GNA14: variants seen among roughly 807,000 people sequenced by gnomAD.
GNA14 encodes the protein guanine nucleotide-binding protein subunit alpha-14.
In GNA14, 50 loss-of-function variants were observed where a neutral mutation model predicts 42.0. That is an observed-to-expected ratio of 1.19 (90% CI 0.95 to 1.51). The LOEUF (loss-of-function observed/expected upper bound fraction) is 1.51, where lower values mean the gene tolerates loss of function less well. GNA14 is among the 40% of genes most tolerant of loss of function. GNA14 has a pLI of 0.00. For missense variants in GNA14, 473 were observed against 446.2 expected (o/e 1.06, Z -0.54); for synonymous variants, 173 against 163.1 (o/e 1.06, Z -0.46).
intron 1 of GNA14, among the ~76,000 whole-genome samples, chr9:77,624,721 C>CAT (rs1184505585): frequency 2.6e-5 from 4 of 151,962 alleles, no homozygotes; most frequent in Non-Finnish European, 4.4e-5. Context: ...AAAGGAATAG[C>CAT]ATGTCCACTC....
intron 1 of GNA14, among the ~76,000 whole-genome samples, chr9:77,547,157 T>G (rs1837729908): frequency 6.6e-6 from 1 of 152,246 alleles, no homozygotes; most frequent in South Asian, 2.1e-4. Flanking sequence ...GAGGATGTAC[T>G]TTTTGCCCTT....
intron 1 of GNA14, among the ~76,000 whole-genome samples, chr9:77,610,427 C>A (rs917769931): frequency 4.6e-5 from 7 of 152,256 alleles, no homozygotes; most frequent in African/African-American, 1.4e-4. Context: ...TCTGCCCCTA[C>A]ACCTTAAATG....
At chr9:77,586,982 T>G (rs1218425132) in intron 1 of GNA14, among the ~76,000 whole-genome samples, 1 of 151,428 alleles carries the variant, frequency 6.6e-6, no homozygotes, top group Non-Finnish European at 1.5e-5. Flanking sequence ...GCTGGTTTTT[T>G]TTTTTTTTTT....
chr9:77,620,592 T>TA (rs1301990457), intron 1 of GNA14, among the ~76,000 whole-genome samples: 1 of 152,226 alleles, frequency 6.6e-6, no homozygotes, highest in Non-Finnish European at 1.5e-5. Flanking sequence ...CTCGTGCCTG[T>TA]AATCCCAGCA....
chr9:77,646,682 T>C (rs1184984990), intron 1 of GNA14, among the ~76,000 whole-genome samples: 1 of 152,220 alleles, frequency 6.6e-6, no homozygotes, highest in Non-Finnish European at 1.5e-5. Context: ...GAAAAAAAGT[T>C]GAAATCTTTG....
chr9:77,438,799 A>C (rs921989614), intron 2 of GNA14, among the ~76,000 whole-genome samples: 1 of 152,206 alleles, frequency 6.6e-6, no homozygotes, highest in Non-Finnish European at 1.5e-5. Flanking sequence ...GAAATGTTTG[A>C]GTAAGTTGCA....
intron 2 of GNA14, among the ~76,000 whole-genome samples, chr9:77,475,394 G>A (rs1836400876): frequency 6.6e-6 from 1 of 152,122 alleles, no homozygotes; most frequent in Non-Finnish European, 1.5e-5. Context: ...TGGATGACAG[G>A]GCTTGTGACA....
At chr9:77,645,674 A>C (rs1824340555) in intron 1 of GNA14, among the ~76,000 whole-genome samples, 1 of 152,136 alleles carries the variant, frequency 6.6e-6, no homozygotes, top group Admixed American at 6.5e-5. Context: ...ATTTACCTAC[A>C]AACATTTCTC....
At chr9:77,636,890 A>G (rs1824191802) in intron 1 of GNA14, among the ~76,000 whole-genome samples, 1 of 152,206 alleles carries the variant, frequency 6.6e-6, no homozygotes, top group South Asian at 2.1e-4. Context: ...TGAATTTTCA[A>G]CGAGAAGACT....
intron 1 of GNA14, among the ~76,000 whole-genome samples, chr9:77,558,048 C>T (rs1385512457): frequency 6.6e-6 from 1 of 152,038 alleles, no homozygotes; most frequent in African/African-American, 2.4e-5. Context: ...TCTCAGTCTC[C>T]CAGCTTTCTG....
At chr9:77,547,882 A>G (rs970487400) in intron 1 of GNA14, among the ~76,000 whole-genome samples, 3 of 152,230 alleles carry the variant, frequency 2.0e-5, no homozygotes, top group Admixed American at 6.5e-5. Context: ...TGTAGAAAGC[A>G]GTATTCAAAC....
intron 1 of GNA14, among the ~76,000 whole-genome samples, chr9:77,632,021 C>G (rs1332525930): frequency 6.6e-6 from 1 of 152,158 alleles, no homozygotes; most frequent in Non-Finnish European, 1.5e-5. Flanking sequence ...GGCAGGAGCC[C>G]TACCCTGCTG....
intron 1 of GNA14, among the ~76,000 whole-genome samples, chr9:77,596,473 C>T (rs1823469270): frequency 1.3e-5 from 2 of 151,252 alleles, no homozygotes; most frequent in African/African-American, 4.9e-5. Flanking sequence ...CTTGCTGTAC[C>T]CTACGCCTCC....
At chr9:77,616,066 A>T (rs1014475102) in intron 1 of GNA14, among the ~76,000 whole-genome samples, 1 of 152,194 alleles carries the variant, frequency 6.6e-6, no homozygotes, top group African/African-American at 2.4e-5. Context: ...AGGAATGCCC[A>T]ATCTATCGCA....
chr9:77,607,764 T>C (rs1311761306), intron 1 of GNA14, among the ~76,000 whole-genome samples: 1 of 152,192 alleles, frequency 6.6e-6, no homozygotes, highest in Admixed American at 6.5e-5. Context: ...TAGGGCCTGA[T>C]TCCTGGCTTG....
intron 5 of GNA14, among the ~76,000 whole-genome samples, chr9:77,427,356 G>A (rs546131924): frequency 1.3e-5 from 2 of 151,406 alleles, no homozygotes; most frequent in African/African-American, 4.9e-5. Flanking sequence ...AACTGAGAGG[G>A]CTGGGCGACA....
intron 1 of GNA14, among the ~76,000 whole-genome samples, chr9:77,605,814 TCA>T (rs1334664748): frequency 6.6e-6 from 1 of 152,236 alleles, no homozygotes; most frequent in Non-Finnish European, 1.5e-5. Context: ...CCCCTTAGTC[TCA>T]GTTACCTCAG....
intron 6 of GNA14, among the ~76,000 whole-genome samples, chr9:77,424,973 A>G (rs760778776): frequency 6.6e-6 from 1 of 152,164 alleles, no homozygotes; most frequent in African/African-American, 2.4e-5. Context: ...ACAATTAGCA[A>G]CAGGGCATGA....
At chr9:77,531,045 CTGCT>C (rs1837520906) in intron 1 of GNA14, among the ~76,000 whole-genome samples, 2 of 152,214 alleles carry the variant, frequency 1.3e-5, no homozygotes, top group African/African-American at 2.4e-5. Context: ...TTAGCCCTGC[CTGCT>C]TTAGGCCCTC....
Sources: gnomAD v4.1 joint callset for allele counts (sites outside exome capture counted in the v4.1 genomes callset) on GRCh38, gnomAD v4.1.1 for gene constraint, MANE v1.5 for transcripts, NCBI Gene and HGNC (gene_info 2026-07-23, HGNC 2026-07-21) for gene names.